Variants in MYT1L observed in about 807,000 individuals in gnomAD.
MYT1L encodes the protein myelin transcription factor 1-like protein.
A neutral mutation model predicts 126.7 loss-of-function variants in MYT1L; 12 were observed. That is an observed-to-expected ratio of 0.09 (90% confidence interval 0.06 to 0.15). The LOEUF is 0.15. Ranked by LOEUF, MYT1L falls within the 10% of genes least tolerant of loss-of-function variation. The pLI is 1.00. For missense variants in MYT1L, 979 were observed against 1,585.2 expected (o/e 0.62, Z 6.49); for synonymous variants, 541 against 604.2 (o/e 0.90, Z 1.53).
At chr2:2,038,110 C>T (rs1262230088) in intron 4 of MYT1L, among the ~76,000 whole-genome samples, 1 of 152,172 alleles carries the variant, frequency 6.6e-6, no homozygotes, top group Non-Finnish European at 1.5e-5. Context: ...AGGACCGGGA[C>T]TACAATACGT....
intron 1 of MYT1L, among the ~76,000 whole-genome samples, chr2:2,310,176 T>G (rs1237817280): frequency 6.6e-6 from 1 of 152,168 alleles, no homozygotes; most frequent in Non-Finnish European, 1.5e-5. Context: ...TTCAGTATAC[T>G]CTATCTATAC....
At chr2:1,803,941 C>A (rs1018782215) in intron 22 of MYT1L, among the ~76,000 whole-genome samples, 3 of 152,320 alleles carry the variant, frequency 2.0e-5, no homozygotes, top group African/African-American at 7.2e-5. Flanking sequence ...AGCCCCCAGG[C>A]ACGTGCGCCT....
At chr2:1,879,064 C>G (rs1243227914) in intron 18 of MYT1L, among the ~76,000 whole-genome samples, 4 of 152,162 alleles carry the variant, frequency 2.6e-5, no homozygotes, top group Admixed American at 2.0e-4. Flanking sequence ...TAAGAGAGAG[C>G]ACAGCAATAG....
At chr2:1,863,607 C>T (rs554654092) in intron 18 of MYT1L, among the ~76,000 whole-genome samples, 1 of 151,614 alleles carries the variant, frequency 6.6e-6, no homozygotes, top group East Asian at 1.9e-4. Flanking sequence ...CAGGCCCAAA[C>T]CCCGGAAGGA....
chr2:2,033,450 G>C (rs958609), intron 4 of MYT1L, among the ~76,000 whole-genome samples: 151,256 of 151,554 alleles, frequency 1, 75,479 homozygotes, highest in Non-Finnish European at 1. Flanking sequence ...TATACACACC[G>C]CTCGCCAGTG....
intron 3 of MYT1L, among the ~76,000 whole-genome samples, chr2:2,090,316 G>A (rs1036635183): frequency 4.3e-4 from 65 of 152,182 alleles, no homozygotes; most frequent in African/African-American, 1.4e-3. Context: ...AAGGGAATAC[G>A]GTAATAAAGG....
chr2:1,882,314 C>A (rs1012410821), intron 18 of MYT1L, among the ~76,000 whole-genome samples: 1 of 152,126 alleles, frequency 6.6e-6, no homozygotes, highest in Admixed American at 6.5e-5. Flanking sequence ...TCTTCTCCCC[C>A]GAGACATTCC....
chr2:2,295,936 G>T (rs1271864469), intron 1 of MYT1L, among the ~76,000 whole-genome samples: 1 of 149,826 alleles, frequency 6.7e-6, no homozygotes, highest in South Asian at 2.2e-4. Flanking sequence ...AGAGGTTGGG[G>T]GGGAGGAGAG....
chr2:1,884,715 T>C (rs1234847460), intron 18 of MYT1L, among the ~76,000 whole-genome samples: 1 of 152,188 alleles, frequency 6.6e-6, no homozygotes, highest in African/African-American at 2.4e-5. Context: ...TTTAGACACA[T>C]GTGTGGCTTT....
intron 15 of MYT1L, among the ~76,000 whole-genome samples, chr2:1,891,738 G>A (rs2048908193): frequency 6.6e-6 from 1 of 152,208 alleles, no homozygotes; most frequent in African/African-American, 2.4e-5. Context: ...GGCCCACGTG[G>A]TGTCCTTTGT....
At chr2:1,942,862 G>T in intron 9 of MYT1L, 120 bp downstream of exon 9, 1 of 1,321,212 alleles carries the variant, frequency 7.6e-7, no homozygotes, top group Non-Finnish European at 1.0e-6. Flanking sequence ...AATTTTCTCA[G>T]TATTGACCAA....
rs2094711225 is a variant in MYT1L at position 2,253,401 on chromosome 2, TC to T, written c.-421+31002del. ...AGCATATGAAATTTCTGGATAATAG[TC>T]CACACAGAGCATTGCTCAGCGGGAA... is the stretch of plus-strand genomic sequence containing the variant. On this transcript the variant is annotated intron_variant, in intron 2 of 24. Transcript: ENST00000647738. Among the ~76,000 whole-genome samples, 4 of 152,308 alleles carry T rather than the reference TC, an allele frequency of 2.6e-5. No individual in the cohort carries two copies. In the South Asian group the frequency reaches 8.3e-4, roughly 32 times the overall value.
chr2:1,846,988 C>A lies in MYT1L; in HGVS notation c.2774+4653G>T, dbSNP rs189289896. On this transcript the variant is annotated intron_variant, in intron 19 of 24. Coordinates refer to ENST00000647738, the MANE Select transcript of MYT1L (RefSeq NM_001303052.2). The stretch of plus-strand genomic sequence containing the variant: ...TCTTCTTCAGGACCTGGTGATGTCT[C>A]CATTTCACAGCAGGTAAGGCCTTTG... 9.6e-4 allele frequency among the ~76,000 whole-genome samples: 146 copies of A among 152,274 alleles called. 1 individual carries two copies. Among genetic ancestry groups the A allele is most frequent in the African/African-American group, 3.3e-3 (139 of 41,550 alleles).
At chr2:2,299,411 A>G (rs2095750020) in intron 1 of MYT1L, among the ~76,000 whole-genome samples, 1 of 152,236 alleles carries the variant, frequency 6.6e-6, no homozygotes, top group Non-Finnish European at 1.5e-5. Flanking sequence ...CCAGGAATCC[A>G]GTTCGAACTG....
chr2:1,876,935 G>A (rs1436751652), intron 18 of MYT1L, among the ~76,000 whole-genome samples: 3 of 152,236 alleles, frequency 2.0e-5, no homozygotes, highest in Non-Finnish European at 2.9e-5. Flanking sequence ...CGCAGACATG[G>A]CTTGCTCACC....
intron 2 of MYT1L, among the ~76,000 whole-genome samples, chr2:2,246,884 C>T (rs2094545521): frequency 6.6e-6 from 1 of 152,138 alleles, no homozygotes; most frequent in African/African-American, 2.4e-5. Context: ...GGGTGAGAAG[C>T]CTAACATGTA....
intron 16 of MYT1L, among the ~76,000 whole-genome samples, chr2:1,888,115 T>C (rs2048374347): frequency 6.6e-6 from 1 of 152,210 alleles, no homozygotes; most frequent in South Asian, 2.1e-4. Context: ...TCCTTTTCCC[T>C]TGTGTGTTCA....
chr2:1,963,049 A>G (rs1226783403), intron 8 of MYT1L, among the ~76,000 whole-genome samples: 1 of 152,216 alleles, frequency 6.6e-6, no homozygotes, highest in East Asian at 1.9e-4. Flanking sequence ...TCTATGGCAG[A>G]TGTAGCCTCA....
intron 2 of MYT1L, among the ~76,000 whole-genome samples, chr2:2,277,144 G>A (rs1478150345): frequency 1.3e-5 from 2 of 151,898 alleles, no homozygotes; most frequent in African/African-American, 4.8e-5. Context: ...ACCACCCCCG[G>A]CTAATTTTTT....
Sources: allele counts gnomAD v4.1 joint callset (sites outside exome capture counted in the v4.1 genomes callset), GRCh38; gene constraint gnomAD v4.1.1; transcripts MANE v1.5; gene names NCBI Gene and HGNC (gene_info 2026-07-23, HGNC 2026-07-21).